Variants in CBFA2T2 observed in about 807,000 individuals in gnomAD.
CBFA2T2 encodes CBFA2/RUNX1 partner transcriptional co-repressor 2.
CBFA2T2 carries 11 observed loss-of-function variants against 62.2 expected under a neutral mutation model. The ratio of observed to expected loss-of-function variants is 0.18; its 90% CI spans 0.11 to 0.29. CBFA2T2 has a LOEUF of 0.29. Ranked by LOEUF, CBFA2T2 falls within the 10% of genes least tolerant of loss-of-function variation. CBFA2T2 has a pLI of 1.00. For synonymous variants in CBFA2T2, 295 were observed against 287.5 expected (o/e 1.03, Z -0.27); for missense variants, 592 against 774.1 (o/e 0.76, Z 2.79).
intron 1 of CBFA2T2, among the ~76,000 whole-genome samples, chr20:33,605,060 G>A (rs954338525): frequency 6.6e-6 from 1 of 152,190 alleles, no homozygotes. Flanking sequence ...TTTTTGTCAG[G>A]GGATTTGTAA....
intron 8 of CBFA2T2, 31 bp from the exon 9 acceptor site, chr20:33,636,599 AGACAGCTTCT>A: frequency 2.7e-6 from 4 of 1,462,454 alleles, no homozygotes; most frequent in Non-Finnish European, 3.8e-6. Context: ...TGCTGATCAT[AGACAGCTTCT>A]GACCCTATGC....
chr20:33,579,144 CCTT>C (rs1265880934), intron 1 of CBFA2T2, among the ~76,000 whole-genome samples: 2 of 146,328 alleles, frequency 1.4e-5, no homozygotes, highest in African/African-American at 2.5e-5. Flanking sequence ...GAAAGCGTCT[CCTT>C]CTGTCGCCCA....
intron 10 of CBFA2T2, among the ~76,000 whole-genome samples, chr20:33,641,680 TC>T (rs1456165543): frequency 6.6e-6 from 1 of 152,116 alleles, no homozygotes; most frequent in Admixed American, 6.6e-5. Context: ...ACCTCCGGGT[TC>T]AAGCGATTCT....
chr20:33,494,274 T>TATATATATATA (rs1267232226), intron 1 of CBFA2T2, among the ~76,000 whole-genome samples: 7 of 26,358 alleles, frequency 2.7e-4, no homozygotes, highest in Admixed American at 1.7e-3. Context: ...TATATATATA[T>TATATATATATA]TTTTTTTTTT....
At chr20:33,641,664 A>T (rs1479287815) in intron 10 of CBFA2T2, among the ~76,000 whole-genome samples, 1 of 151,974 alleles carries the variant, frequency 6.6e-6, no homozygotes, top group African/African-American at 2.4e-5. Flanking sequence ...GCTCACCGCA[A>T]CCTCTACCTC....
intron 1 of CBFA2T2, among the ~76,000 whole-genome samples, chr20:33,586,891 A>T (rs904441026): frequency 5.3e-5 from 8 of 152,190 alleles, no homozygotes; most frequent in African/African-American, 1.9e-4. Context: ...GGAGAGTTTC[A>T]TAGAATTGTC....
At chr20:33,509,450 A>G (rs2011469149) in intron 1 of CBFA2T2, among the ~76,000 whole-genome samples, 1 of 152,198 alleles carries the variant, frequency 6.6e-6, no homozygotes, top group Non-Finnish European at 1.5e-5. Context: ...ATTTTATTAA[A>G]CTTATCCTAA....
chr20:33,535,256 C>T (rs2012173855), intron 1 of CBFA2T2, among the ~76,000 whole-genome samples: 1 of 152,084 alleles, frequency 6.6e-6, no homozygotes, highest in Admixed American at 6.6e-5. Context: ...TTAGTTGGGG[C>T]TACATAGAGC....
rs142863771 is a variant in CBFA2T2, at chr20:33,580,407, C to T, written c.35-26549C>T. On this transcript the variant is annotated intron_variant, in intron 1 of 10. Transcript: ENST00000342704. The stretch of plus-strand genomic sequence containing the variant: ...GGAATATGGTGGTGATCAAGATGAA[C>T]GTGGCCCCAACTCTCCAGAGGCTTA... Among the ~76,000 whole-genome samples, 533 of 152,270 alleles carry T rather than the reference C, an allele frequency of 3.5e-3. 4 individuals are homozygous for T. The highest frequency in any genetic ancestry group is 0.012 in the African/African-American group (509 of 41,552).
intron 1 of CBFA2T2, among the ~76,000 whole-genome samples, chr20:33,499,283 T>G (rs1568786198): frequency 6.6e-6 from 1 of 152,184 alleles, no homozygotes; most frequent in Non-Finnish European, 1.5e-5. Flanking sequence ...TTGTTCTCAT[T>G]CCTTAGAGTA....
At chr20:33,507,480 T>C (rs2011423859) in intron 1 of CBFA2T2, among the ~76,000 whole-genome samples, 1 of 152,216 alleles carries the variant, frequency 6.6e-6, no homozygotes. Context: ...AAAATAATTT[T>C]TGGACTGGCT....
intron 1 of CBFA2T2, among the ~76,000 whole-genome samples, chr20:33,554,600 CTTTTT>C (rs752877501): frequency 4.3e-4 from 24 of 56,286 alleles, no homozygotes; most frequent in African/African-American, 1.5e-3. Flanking sequence ...TTTTTCTTTT[CTTTTT>C]TTTTTTTTTT....
intron 1 of CBFA2T2, among the ~76,000 whole-genome samples, chr20:33,535,620 TTTC>T (rs1211459475): frequency 0.011 from 1,603 of 142,576 alleles, 33 homozygotes; most frequent in African/African-American, 0.039. Context: ...TTTTTTATTT[TTTC>T]TTTTTTTTTT....
At chr20:33,544,786 C>T (rs1181804985) in intron 1 of CBFA2T2, among the ~76,000 whole-genome samples, 1 of 152,066 alleles carries the variant, frequency 6.6e-6, no homozygotes, top group Non-Finnish European at 1.5e-5. Flanking sequence ...ACCTCATGAT[C>T]CCCCCGCCTC....
At position 33,647,581 on chromosome 20, in the gene CBFA2T2, G is replaced by A. The variant is rs971492305; in HGVS notation, c.*2935G>A. 1 of 152,232 alleles carries A rather than the reference G, an allele frequency of 6.6e-6. No individual in the cohort carries two copies. The highest frequency in any genetic ancestry group is 1.5e-5 in the Non-Finnish European group (1 of 68,052). The allele number at this position is 152,232 out of a possible 1,614,324, so 9.4% of individuals were successfully genotyped here. ...TTACAGGCATGAGCCACTGTGTCCG[G>A]TCTTGAGCAGGTTTTTAAAATCTCC... On this transcript the variant is annotated 3_prime_UTR_variant, in exon 11 of 11. Transcript: ENST00000342704.
At chr20:33,494,522 C>T (rs2011179621) in intron 1 of CBFA2T2, among the ~76,000 whole-genome samples, 1 of 151,294 alleles carries the variant, frequency 6.6e-6, no homozygotes, top group South Asian at 2.1e-4. Context: ...ACCTCGTGAT[C>T]CGCCCGCCTC....
intron 1 of CBFA2T2, among the ~76,000 whole-genome samples, chr20:33,563,707 T>C (rs1201603825): frequency 6.6e-6 from 1 of 152,156 alleles, no homozygotes; most frequent in Non-Finnish European, 1.5e-5. Flanking sequence ...ATGTTGTTAT[T>C]GGGGAAATTT....
intron 1 of CBFA2T2, among the ~76,000 whole-genome samples, chr20:33,507,911 A>G (rs2011432234): frequency 6.6e-6 from 1 of 152,094 alleles, no homozygotes; most frequent in Non-Finnish European, 1.5e-5. Flanking sequence ...ATCAGCTTTT[A>G]TACTCCTACC....
At chr20:33,560,536 A>G (rs774232237) in intron 1 of CBFA2T2, among the ~76,000 whole-genome samples, 17 of 152,348 alleles carry the variant, frequency 1.1e-4, no homozygotes, top group Middle Eastern at 3.4e-3. Flanking sequence ...ACAAACACTG[A>G]ACCTGCTGGT....
Sources: allele counts gnomAD v4.1 joint callset (sites outside exome capture counted in the v4.1 genomes callset), GRCh38; gene constraint gnomAD v4.1.1; transcripts MANE v1.5; gene names NCBI Gene and HGNC (gene_info 2026-07-23, HGNC 2026-07-21).